TBL1XR1: variants seen among roughly 807,000 people sequenced by gnomAD.
TBL1XR1 encodes the protein F-box-like/WD repeat-containing protein TBL1XR1.
TBL1XR1 carries 5 observed loss-of-function variants against 66.9 expected under a neutral mutation model. That is an observed-to-expected ratio of 0.07 (90% CI 0.04 to 0.16). The LOEUF is 0.16. TBL1XR1 is among the 10% of genes least tolerant of loss of function. The pLI, the probability that TBL1XR1 is intolerant of heterozygous loss-of-function variation, is 1.00. For synonymous variants in TBL1XR1, 210 were observed against 206.0 expected, an observed-to-expected ratio of 1.02 and a Z score of -0.17; for missense variants, 238 against 623.2, an observed-to-expected ratio of 0.38 and a Z score of 6.58.
rs202241549 is a variant in TBL1XR1, at chr3:177,030,122, A to G, written c.1416+2849T>C. On this transcript the variant is annotated intron_variant, in intron 14 of 15. Coordinates refer to ENST00000457928, the MANE Select transcript of TBL1XR1 (RefSeq NM_024665.7). ...TGTGTGTGTATGTGTGTGTGTGTGTATATATATATAGAGAGAGAGAGAGAG... is the reference window on the plus strand; with the variant it reads ...TGTGTGTGTATGTGTGTGTGTGTGTGTATATATATAGAGAGAGAGAGAGAG... Among the ~76,000 whole-genome samples, 305 of 141,846 alleles carry G rather than the reference A, an allele frequency of 2.2e-3. 1 individual carries two copies. The highest frequency in any genetic ancestry group is 6.3e-3 in the African/African-American group (248 of 39,278). 93.1% of individuals were successfully genotyped at this position (141,846 alleles called of 152,430 possible). A position where few individuals can be genotyped will look rare whatever the true frequency, so the allele number is the denominator to read the frequency against.
chr3:177,190,718 A>T (rs1736037815), intron 1 of TBL1XR1, among the ~76,000 whole-genome samples: 1 of 152,230 alleles, frequency 6.6e-6, no homozygotes, highest in South Asian at 2.1e-4. Flanking sequence ...ACTATAGCAC[A>T]CCTAAATCTT....
Position 177,033,023 on chromosome 3 carries a change from C to T in TBL1XR1, c.1364G>A (p.Arg455Lys), listed in dbSNP as rs761590111. ...GTCAAAAGAACCACTTGCCAGATAC[C>T]TGCCATCAGGACTGAAAGCTACACT... ...VYSVAFSPDG[R>K]YLASGSFDKC... Residue 455 changes from arginine to lysine, a missense_variant, in exon 14 of 16, where the codon AGG becomes AAG. Arg to Lys is a conservative substitution (Grantham distance 26). Coordinates refer to ENST00000457928, the MANE Select transcript of TBL1XR1 (RefSeq NM_024665.7). 6 of 1,607,418 alleles carry T rather than the reference C, an allele frequency of 3.7e-6. No homozygotes were observed. Among genetic ancestry groups the T allele is most frequent in the Admixed American group, 3.4e-5 (2 of 59,282 alleles).
intron 10 of TBL1XR1, among the ~76,000 whole-genome samples, chr3:177,045,680 A>G (rs1367718586): frequency 1.3e-5 from 2 of 152,134 alleles, no homozygotes; most frequent in East Asian, 3.8e-4. Flanking sequence ...AACTTATAGG[A>G]GTCTATACAG....
intron 14 of TBL1XR1, among the ~76,000 whole-genome samples, chr3:177,028,898 T>G (rs998534783): frequency 6.6e-6 from 1 of 152,116 alleles, no homozygotes; most frequent in Non-Finnish European, 1.5e-5. Flanking sequence ...TGCATATACA[T>G]GAACTAGGTA....
intron 2 of TBL1XR1, among the ~76,000 whole-genome samples, chr3:177,090,232 A>C (rs1028131909): frequency 6.6e-6 from 1 of 152,236 alleles, no homozygotes. Flanking sequence ...AGCAAGATAA[A>C]CCAAAAATAG....
Position 177,072,610 on chromosome 3 carries a change from C to T in TBL1XR1, c.-45-7588G>A, listed in dbSNP as rs757082653. ...AAGTGCTAAGTAACAGAGTTACTTCCGTTGCATACTAAAATGATGGTTGTC... is the reference window on the plus strand; with the variant it reads ...AAGTGCTAAGTAACAGAGTTACTTCTGTTGCATACTAAAATGATGGTTGTC... On this transcript the variant is annotated intron_variant, in intron 2 of 15. Transcript: ENST00000457928. Among the ~76,000 whole-genome samples, 72 of 152,212 alleles carry T rather than the reference C, an allele frequency of 4.7e-4. 1 individual carries two copies. The highest frequency in any genetic ancestry group is 8.4e-4 in the Non-Finnish European group (57 of 68,022).
At chr3:177,133,382 A>C (rs1471211944) in intron 1 of TBL1XR1, among the ~76,000 whole-genome samples, 1 of 152,246 alleles carries the variant, frequency 6.6e-6, no homozygotes, top group East Asian at 1.9e-4. Context: ...AATATGGCAT[A>C]GTTTCAAGAT....
intron 1 of TBL1XR1, among the ~76,000 whole-genome samples, chr3:177,160,640 TCTC>T (rs1490452820): frequency 2.0e-5 from 3 of 152,020 alleles, no homozygotes; most frequent in African/African-American, 7.2e-5. Context: ...TTCTTCAAGC[TCTC>T]GATTATTTTT....
chr3:177,171,238 A>T lies in TBL1XR1; in HGVS notation c.-122+25883T>A, dbSNP rs1320677446. 2.7e-5 allele frequency among the ~76,000 whole-genome samples: 4 copies of T among 150,666 alleles called. No homozygotes were observed. The East Asian group carries it at 7.9e-4, about 30-fold the overall frequency. On this transcript the variant is annotated intron_variant, in intron 1 of 15. Transcript: ENST00000457928. Reference sequence around the variant, plus strand: ...GCCTGTAATCCCAGCTACTCGGGAGACTGAGGCAGGAGAATTGCTTGGACC... The same window carrying T: ...GCCTGTAATCCCAGCTACTCGGGAGTCTGAGGCAGGAGAATTGCTTGGACC...
At chr3:177,184,877 T>C (rs1735227199) in intron 1 of TBL1XR1, among the ~76,000 whole-genome samples, 1 of 151,928 alleles carries the variant, frequency 6.6e-6, no homozygotes, top group Non-Finnish European at 1.5e-5. Context: ...CACTTGTTAA[T>C]CATACCACTA....
upstream of TBL1XR1, chr3:177,201,782 C>CTG (rs775524887): frequency 3.9e-5 from 6 of 152,178 alleles, no homozygotes; most frequent in Non-Finnish European, 8.8e-5. Context: ...TACCCCCAGG[C>CTG]GTCTTGCTGA....
intron 1 of TBL1XR1, among the ~76,000 whole-genome samples, chr3:177,130,109 C>A (rs1329023314): frequency 7.0e-6 from 1 of 142,710 alleles, no homozygotes; most frequent in Non-Finnish European, 1.5e-5. Context: ...CACGCCACTG[C>A]ACTCCAGCCT....
chr3:177,084,803 T>G (rs1469977094), intron 2 of TBL1XR1, among the ~76,000 whole-genome samples: 2 of 152,240 alleles, frequency 1.3e-5, no homozygotes, highest in African/African-American at 4.8e-5. Flanking sequence ...GCCATTCTCT[T>G]AAGAATCCAA....
chr3:177,189,359 A>G (rs1577437876), intron 1 of TBL1XR1, among the ~76,000 whole-genome samples: 1 of 152,106 alleles, frequency 6.6e-6, no homozygotes, highest in African/African-American at 2.4e-5. Flanking sequence ...TCTACTAAAA[A>G]TACAAAAATT....
intron 1 of TBL1XR1, among the ~76,000 whole-genome samples, chr3:177,169,761 G>A (rs1733242428): frequency 6.6e-6 from 1 of 152,150 alleles, no homozygotes; most frequent in Non-Finnish European, 1.5e-5. Flanking sequence ...ATGTAAATGA[G>A]ATGAAGACCA....
chr3:177,055,560 TG>T (rs1300586850), intron 3 of TBL1XR1, among the ~76,000 whole-genome samples: 6 of 1,818 alleles, frequency 3.3e-3, no homozygotes, highest in Non-Finnish European at 7.8e-3. Flanking sequence ...GGGGCGGGGG[TG>T]GGGGGGTGGG....
intron 1 of TBL1XR1, among the ~76,000 whole-genome samples, chr3:177,196,751 C>A (rs1207859461): frequency 2.6e-5 from 4 of 151,336 alleles, no homozygotes; most frequent in Non-Finnish European, 5.9e-5. Context: ...CCCAAACACA[C>A]ACGCACAAAA....
chr3:177,072,470 C>CAA (rs11362981), intron 2 of TBL1XR1, among the ~76,000 whole-genome samples: 125 of 128,930 alleles, frequency 9.7e-4, no homozygotes, highest in African/African-American at 3.4e-3. Flanking sequence ...ACTATGCACT[C>CAA]AAAAAAAAAA....
chr3:177,053,354 C>G (rs1397061049), intron 4 of TBL1XR1, among the ~76,000 whole-genome samples: 1 of 152,122 alleles, frequency 6.6e-6, no homozygotes, highest in Non-Finnish European at 1.5e-5. Context: ...ATGCTGACCC[C>G]TAAGCCAAAC....
Sources: gnomAD v4.1 joint callset for allele counts (sites outside exome capture counted in the v4.1 genomes callset) on GRCh38, gnomAD v4.1.1 for gene constraint, MANE v1.5 for transcripts, NCBI Gene and HGNC (gene_info 2026-07-23, HGNC 2026-07-21) for gene names.